The following CHD6 variants were observed in gnomAD, a reference collection of about 807,000 sequenced individuals.
The protein encoded by CHD6 is ATP-dependent chromatin remodeler CHD6.
CHD6 carries 50 observed loss-of-function variants against 276.9 expected under a neutral mutation model. The ratio of observed to expected loss-of-function variants is 0.18; its 90% CI spans 0.14 to 0.23. The LOEUF (loss-of-function observed/expected upper bound fraction) is 0.23, where lower values mean the gene tolerates loss of function less well. CHD6 is among the 10% of genes least tolerant of loss of function. The pLI is 1.00. For synonymous variants in CHD6, 1,173 were observed against 1,229.3 expected (o/e 0.95, Z 0.96); for missense variants, 2,564 against 3,365.8 (o/e 0.76, Z 5.89).
In CHD6 at chr20:41,472,609, G is replaced by A. The variant is rs149614345; in HGVS notation, c.2664+713C>T. Among the ~76,000 whole-genome samples the A allele has an allele frequency of 5.6e-3, 853 of 152,170 alleles. 8 individuals carry two copies. The highest frequency in any genetic ancestry group is 0.024 in the Middle Eastern group (7 of 294). ...TTATTGACAAGTTAGAATCTTTTTG[G>A]CTGACTTCGCGTCCCATATAGTTAG... On this transcript the variant is annotated intron_variant, in intron 17 of 36. Transcript: ENST00000373233.
chr20:41,495,624 G>C (rs1336545949), intron 8 of CHD6, among the ~76,000 whole-genome samples: 1 of 151,882 alleles, frequency 6.6e-6, no homozygotes, highest in African/African-American at 2.4e-5. Flanking sequence ...CCCTTAGGGG[G>C]GAAAAAAGAA....
chr20:41,413,004 C>T (rs1185330187), intron 35 of CHD6, among the ~76,000 whole-genome samples: 1 of 152,182 alleles, frequency 6.6e-6, no homozygotes, highest in East Asian at 1.9e-4. Flanking sequence ...AGAGTTTATG[C>T]AACCTAAAGA....
At chr20:41,429,667 A>C (rs1317843618) in intron 27 of CHD6, among the ~76,000 whole-genome samples, 5 of 152,232 alleles carry the variant, frequency 3.3e-5, no homozygotes, top group African/African-American at 9.6e-5. Context: ...GAAAAACAAC[A>C]GTTTTGTTCT....
At chr20:41,524,542 G>C (rs1456490908) in intron 3 of CHD6, among the ~76,000 whole-genome samples, 1 of 152,156 alleles carries the variant, frequency 6.6e-6, no homozygotes, top group Non-Finnish European at 1.5e-5. Flanking sequence ...TAAAAATTCA[G>C]AAAGTATAGA....
chr20:41,559,886 T>TACACAC (rs72289431), intron 1 of CHD6, among the ~76,000 whole-genome samples: 1 of 149,690 alleles, frequency 6.7e-6, no homozygotes, highest in South Asian at 2.1e-4. Context: ...CACGCACACA[T>TACACAC]ACACACACAC....
chr20:41,537,040 GA>G (rs1464295979), intron 2 of CHD6, among the ~76,000 whole-genome samples: 1 of 152,014 alleles, frequency 6.6e-6, no homozygotes. Context: ...TTCTTTCTTT[GA>G]AAGAAAAATT....
At chr20:41,604,079 C>T (rs2045802104) in intron 1 of CHD6, among the ~76,000 whole-genome samples, 1 of 152,130 alleles carries the variant, frequency 6.6e-6, no homozygotes, top group Admixed American at 6.5e-5. Flanking sequence ...ATGTGATCCT[C>T]ATGTTCCTAG....
At chr20:41,435,019 T>C (rs944617546) in intron 27 of CHD6, among the ~76,000 whole-genome samples, 3 of 152,148 alleles carry the variant, frequency 2.0e-5, no homozygotes, top group African/African-American at 7.2e-5. Flanking sequence ...TCATATAGAA[T>C]GTGTTCTCTG....
chr20:41,455,726 G>A, intron 19 of CHD6, 74 bp downstream of exon 19: 1 of 998,194 alleles, frequency 1.0e-6, no homozygotes, highest in Non-Finnish European at 1.4e-6. Context: ...CAGAAGCCCT[G>A]CTAATGGGTT....
intron 2 of CHD6, among the ~76,000 whole-genome samples, chr20:41,536,493 C>T (rs1380220478): frequency 1.3e-5 from 2 of 152,146 alleles, no homozygotes; most frequent in African/African-American, 4.8e-5. Flanking sequence ...GGCAGTGGTT[C>T]CAAACAGAGG....
chr20:41,417,411 G>A, intron 31 of CHD6, 62 bp from the exon 32 acceptor site: 2 of 1,403,090 alleles, frequency 1.4e-6, no homozygotes, highest in Non-Finnish European at 1.9e-6. Flanking sequence ...CTAGTGATCT[G>A]AGAGATTAGG....
chr20:41,545,509 A>T (rs2045023262), intron 2 of CHD6, among the ~76,000 whole-genome samples: 1 of 152,106 alleles, frequency 6.6e-6, no homozygotes, highest in South Asian at 2.1e-4. Context: ...GGCCCAGATG[A>T]TCTTCAGACC....
chr20:41,474,895 TA>T (rs1314538241), intron 16 of CHD6, among the ~76,000 whole-genome samples: 1 of 152,234 alleles, frequency 6.6e-6, no homozygotes, highest in Non-Finnish European at 1.5e-5. Context: ...CTCCCTTTTA[TA>T]AAGCCACAAT....
intron 17 of CHD6, among the ~76,000 whole-genome samples, chr20:41,467,651 A>C (rs1032072124): frequency 2.7e-5 from 4 of 147,182 alleles, no homozygotes; most frequent in Non-Finnish European, 4.5e-5. Context: ...GGACTGCTTG[A>C]GGCCAGGGGT....
At chr20:41,498,920 C>T (rs995246875) in intron 6 of CHD6, among the ~76,000 whole-genome samples, 3 of 151,610 alleles carry the variant, frequency 2.0e-5, no homozygotes, top group African/African-American at 4.8e-5. Context: ...AGTGAACCTC[C>T]GATGTTGGCC....
At chr20:41,494,437 A>AT (rs1288379361) in intron 8 of CHD6, among the ~76,000 whole-genome samples, 1 of 152,218 alleles carries the variant, frequency 6.6e-6, no homozygotes, top group African/African-American at 2.4e-5. Flanking sequence ...TTTTATCTTT[A>AT]TGCACACTAT....
chr20:41,519,782 A>G (rs914444946), intron 3 of CHD6, among the ~76,000 whole-genome samples: 4 of 152,236 alleles, frequency 2.6e-5, no homozygotes, highest in African/African-American at 4.8e-5. Context: ...TTCATGACTA[A>G]AACACCAAAA....
chr20:41,412,918 A>C (rs941439996), intron 35 of CHD6, among the ~76,000 whole-genome samples: 1 of 152,228 alleles, frequency 6.6e-6, no homozygotes, highest in Non-Finnish European at 1.5e-5. Flanking sequence ...AAAACTAAGG[A>C]CAGATGGTCC....
intron 1 of CHD6, among the ~76,000 whole-genome samples, chr20:41,594,185 T>C (rs1397093013): frequency 1.3e-5 from 2 of 152,224 alleles, no homozygotes; most frequent in African/African-American, 4.8e-5. Flanking sequence ...AGTAAAGCAC[T>C]GTTGGAACCT....
Sources: allele counts gnomAD v4.1 joint callset (sites outside exome capture counted in the v4.1 genomes callset), GRCh38; gene constraint gnomAD v4.1.1; transcripts MANE v1.5; gene names NCBI Gene and HGNC (gene_info 2026-07-23, HGNC 2026-07-21).